ROBO1: variants seen among roughly 807,000 people sequenced by gnomAD.
ROBO1 encodes roundabout homolog 1.
A neutral mutation model predicts 195.9 loss-of-function variants in ROBO1; 149 were observed. The ratio of observed to expected loss-of-function variants is 0.76; its 90% CI spans 0.67 to 0.87. The LOEUF is 0.87. Among genes scored for constraint, ROBO1 ranks in the 40% least tolerant of loss-of-function variants. ROBO1 has a pLI of 0.00. For synonymous variants in ROBO1, 816 were observed against 733.2 expected (o/e 1.11, Z -1.82); for missense variants, 1,933 against 2,068.3 (o/e 0.93, Z 1.27).
chr3:78,694,710 A>G (rs2081247783), intron 8 of ROBO1, among the ~76,000 whole-genome samples: 1 of 152,192 alleles, frequency 6.6e-6, no homozygotes, highest in Non-Finnish European at 1.5e-5. Context: ...CACCTTACAG[A>G]TGATGCCTTT....
At chr3:79,762,984 G>T (rs1406585017) in intron 1 of ROBO1, among the ~76,000 whole-genome samples, 1 of 152,154 alleles carries the variant, frequency 6.6e-6, no homozygotes, top group African/African-American at 2.4e-5. Flanking sequence ...GTGTCTTGAT[G>T]CATGATGTGC....
At chr3:79,583,555 C>T (rs1389766290) in intron 2 of ROBO1, among the ~76,000 whole-genome samples, 2 of 151,578 alleles carry the variant, frequency 1.3e-5, no homozygotes, top group African/African-American at 4.8e-5. Flanking sequence ...ATAAAGAAAC[C>T]ATCTATAAAT....
chr3:79,241,443 T>G (rs1435679488), intron 2 of ROBO1, among the ~76,000 whole-genome samples: 1 of 152,126 alleles, frequency 6.6e-6, no homozygotes, highest in Non-Finnish European at 1.5e-5. Flanking sequence ...AAATAAATTC[T>G]TTTCCTTTTT....
intron 4 of ROBO1, chr3:78,758,944 G>A (rs1290574432): frequency 6.6e-6 from 1 of 152,200 alleles, no homozygotes. Context: ...AGAGACAGAG[G>A]CTGAAGTGTT....
chr3:79,145,990 CT>C (rs1251928031), intron 2 of ROBO1, among the ~76,000 whole-genome samples: 3 of 150,436 alleles, frequency 2.0e-5, no homozygotes, highest in African/African-American at 7.3e-5. Context: ...CCCCTTAAAC[CT>C]TTGAGAATAG....
chr3:79,251,904 T>C (rs6801676), intron 2 of ROBO1, among the ~76,000 whole-genome samples: 26,831 of 151,940 alleles, frequency 0.18, 3,948 homozygotes, highest in African/African-American at 0.41. Flanking sequence ...GAGCCAAGAT[T>C]GTGCCATTGC....
chr3:78,744,745 T>G (rs943762430), intron 5 of ROBO1, among the ~76,000 whole-genome samples: 1 of 152,188 alleles, frequency 6.6e-6, no homozygotes, highest in African/African-American at 2.4e-5. Flanking sequence ...ATCAGCCTAT[T>G]TAAAATTTCA....
At chr3:79,714,780 T>C (rs1347707261) in intron 1 of ROBO1, among the ~76,000 whole-genome samples, 2 of 145,696 alleles carry the variant, frequency 1.4e-5, no homozygotes, top group South Asian at 2.2e-4. Flanking sequence ...TTCTCACTCA[T>C]AGGTGGGAAT....
intron 2 of ROBO1, among the ~76,000 whole-genome samples, chr3:79,569,751 A>T (rs572867827): frequency 6.6e-6 from 1 of 152,004 alleles, no homozygotes; most frequent in East Asian, 1.9e-4. Context: ...ATATGTATAT[A>T]GACAATTCCT....
At chr3:79,467,895 C>A (rs752949735) in intron 2 of ROBO1, among the ~76,000 whole-genome samples, 5 of 152,190 alleles carry the variant, frequency 3.3e-5, no homozygotes, top group Non-Finnish European at 5.9e-5. Flanking sequence ...TTTGAGCACA[C>A]AGACAGAAAA....
intron 3 of ROBO1, among the ~76,000 whole-genome samples, chr3:78,990,830 A>C (rs749661440): frequency 3.9e-5 from 6 of 152,222 alleles, no homozygotes; most frequent in Non-Finnish European, 5.9e-5. Flanking sequence ...AAAGAACAGC[A>C]AAATGAATTA....
intron 3 of ROBO1, among the ~76,000 whole-genome samples, chr3:78,942,717 A>G (rs1576439133): frequency 6.6e-6 from 1 of 152,306 alleles, no homozygotes; most frequent in Non-Finnish European, 1.5e-5. Flanking sequence ...AATACAGCCA[A>G]TGATTAAATC....
At chr3:79,623,388 A>T (rs1945071468) in intron 1 of ROBO1, among the ~76,000 whole-genome samples, 1 of 152,224 alleles carries the variant, frequency 6.6e-6, no homozygotes, top group South Asian at 2.1e-4. Context: ...GATAGGCAAT[A>T]AAAAACTATG....
intron 8 of ROBO1, among the ~76,000 whole-genome samples, chr3:78,702,529 C>T (rs976768664): frequency 6.6e-6 from 1 of 151,976 alleles, no homozygotes; most frequent in Non-Finnish European, 1.5e-5. Flanking sequence ...AAAATAATTC[C>T]AAGTCTTAAA....
chr3:79,042,520 G>T (rs1045263795), intron 3 of ROBO1, among the ~76,000 whole-genome samples: 18 of 152,102 alleles, frequency 1.2e-4, no homozygotes, highest in Non-Finnish European at 1.8e-4. Context: ...GAATAATTTT[G>T]CTTTGTAATT....
At position 78,938,684 on chromosome 3, in the gene ROBO1, C is replaced by G; in HGVS notation, c.416G>C (p.Arg139Thr). 1 of 1,614,012 alleles carries G rather than the reference C, an allele frequency of 6.2e-7. No homozygotes were observed. The highest frequency in any genetic ancestry group is 8.5e-7 in the Non-Finnish European group (1 of 1,179,898). ...ACAGACATAGACTCCTTCATCAGGTCTACTTTTCCGTCCATGTACTATACG... is the reference window on the plus strand; with the variant it reads ...ACAGACATAGACTCCTTCATCAGGTGTACTTTTCCGTCCATGTACTATACG... ...FLRIVHGRKSRPDEGVYVCVA... is the reference protein window; with the variant it reads ...FLRIVHGRKSTPDEGVYVCVA... Residue 139 changes from arginine to threonine, a missense_variant, in exon 4 of 31, where the codon AGA (arginine) becomes ACA (threonine). By Grantham distance (71) the Arg-to-Thr change is moderately conservative. Around this residue, in one of 3 missense-constraint regions of ROBO1, gnomAD observed 11 missense variants for 26.2 expected, o/e 0.42. Coordinates refer to ENST00000464233, the MANE Select transcript of ROBO1 (RefSeq NM_002941.4).
chr3:78,768,853 C>A (rs1241140392), intron 4 of ROBO1, among the ~76,000 whole-genome samples: 1 of 131,608 alleles, frequency 7.6e-6, no homozygotes, highest in African/African-American at 2.8e-5. Flanking sequence ...TATTCCCCTT[C>A]CTGTGTCCAT....
chr3:79,428,226 C>A (rs1005583782), intron 2 of ROBO1, among the ~76,000 whole-genome samples: 1 of 151,666 alleles, frequency 6.6e-6, no homozygotes, highest in Non-Finnish European at 1.5e-5. Flanking sequence ...TCAGAGATAC[C>A]AATAGAGGTA....
At chr3:79,358,366 A>G (rs2035639191) in intron 2 of ROBO1, among the ~76,000 whole-genome samples, 1 of 152,088 alleles carries the variant, frequency 6.6e-6, no homozygotes, top group South Asian at 2.1e-4. Context: ...AGCAAAGGTC[A>G]GAGGAAAGAT....
Sources: gnomAD v4.1 joint callset for allele counts (sites outside exome capture counted in the v4.1 genomes callset) on GRCh38, gnomAD v4.1.1 for gene constraint, gnomAD v4.1.1 regional missense constraint, MANE v1.5 for transcripts, NCBI Gene and HGNC (gene_info 2026-07-23, HGNC 2026-07-21) for gene names.